The following ATRNL1 variants were observed in gnomAD, a reference collection of about 807,000 sequenced individuals.
ATRNL1 encodes attractin like 1.
In ATRNL1, 95 loss-of-function variants were observed where a neutral mutation model predicts 182.7. The observed-to-expected ratio is 0.52, with a 90% CI of 0.44 to 0.62. The LOEUF (loss-of-function observed/expected upper bound fraction) is 0.62. Ranked by LOEUF, ATRNL1 falls within the 20% of genes least tolerant of loss-of-function variation. ATRNL1 has a pLI of 0.00. For missense variants in ATRNL1, 1,471 were observed against 1,679.5 expected, an observed-to-expected ratio of 0.88 and a Z score of 2.17; for synonymous variants, 576 against 568.3, an observed-to-expected ratio of 1.01 and a Z score of -0.19.
chr10:115,316,480 AGGATTGCT>A (rs1378966992), intron 18 of ATRNL1, among the ~76,000 whole-genome samples: 3 of 152,144 alleles, frequency 2.0e-5, no homozygotes, highest in African/African-American at 7.2e-5. Flanking sequence ...ACCCAGTAAT[AGGATTGCT>A]GGGTCAAATG....
At chr10:115,851,524 T>C (rs1951056270) in intron 28 of ATRNL1, among the ~76,000 whole-genome samples, 1 of 152,054 alleles carries the variant, frequency 6.6e-6, no homozygotes, top group African/African-American at 2.4e-5. Flanking sequence ...TAACCAGAGG[T>C]CAAAAGAAAA....
intron 26 of ATRNL1, among the ~76,000 whole-genome samples, chr10:115,693,472 A>T (rs530868871): frequency 6.6e-6 from 1 of 152,286 alleles, no homozygotes; most frequent in African/African-American, 2.4e-5. Flanking sequence ...TGTCCAAACC[A>T]AATTACTCAC....
At chr10:115,138,217 G>A (rs1845604615) in intron 5 of ATRNL1, among the ~76,000 whole-genome samples, 1 of 152,222 alleles carries the variant, frequency 6.6e-6, no homozygotes, top group Non-Finnish European at 1.5e-5. Flanking sequence ...TCAGGGGCTG[G>A]CATTGAGTGT....
chr10:115,536,068 C>G (rs1851975182), intron 25 of ATRNL1, among the ~76,000 whole-genome samples: 1 of 151,756 alleles, frequency 6.6e-6, no homozygotes, highest in Non-Finnish European at 1.5e-5. Context: ...GGTCAGGGAC[C>G]CACTTGAGGA....
rs1026774136 is a variant in ATRNL1 at position 115,863,022 on chromosome 10, G to A, written c.4018+15031G>A. 2.2e-4 allele frequency among the ~76,000 whole-genome samples: 34 copies of A among 152,106 alleles called. 1 individual carries two copies. The highest frequency in any genetic ancestry group is 8.0e-4 in the African/African-American group (33 of 41,432). On this transcript the variant is annotated intron_variant, in intron 28 of 28. Transcript: ENST00000355044. The stretch of plus-strand genomic sequence containing the variant: ...AATCTACAAACGTCTACTCATTTTT[G>A]CAAAAGATGTAAAGAAAGATAAGTC...
chr10:115,667,241 C>T (rs1176373780), intron 26 of ATRNL1, among the ~76,000 whole-genome samples: 1 of 152,100 alleles, frequency 6.6e-6, no homozygotes, highest in Non-Finnish European at 1.5e-5. Flanking sequence ...CTAAAAAGGT[C>T]TCAAAGGCTG....
intron 21 of ATRNL1, among the ~76,000 whole-genome samples, chr10:115,429,934 G>A (rs983536925): frequency 2.0e-5 from 3 of 152,122 alleles, no homozygotes; most frequent in Non-Finnish European, 2.9e-5. Context: ...AGCCGGGCGT[G>A]GTGGCGGGCG....
chr10:115,188,155 A>G (rs1221621599), intron 8 of ATRNL1, among the ~76,000 whole-genome samples: 1 of 152,096 alleles, frequency 6.6e-6, no homozygotes, highest in African/African-American at 2.4e-5. Flanking sequence ...ATTGACAATT[A>G]GGGAATCTGA....
At chr10:115,214,174 T>C (rs1478284532) in intron 8 of ATRNL1, among the ~76,000 whole-genome samples, 3 of 152,032 alleles carry the variant, frequency 2.0e-5, no homozygotes, top group Non-Finnish European at 2.9e-5. Flanking sequence ...AATTGTGAAA[T>C]GTACCTCTAG....
rs1293918053 is a variant in ATRNL1, at chr10:115,203,907, C to A, written c.1349-11790C>A. ...CCACCGCACCTGGCCTAGATTGGGT[C>A]AACTTTAAAATTTATCTTATGGTTG... On this transcript the variant is annotated intron_variant, in intron 8 of 28. Coordinates refer to ENST00000355044, the MANE Select transcript of ATRNL1 (RefSeq NM_207303.4). Among the ~76,000 whole-genome samples, 3 of 151,342 alleles carry A rather than the reference C, an allele frequency of 2.0e-5. 1 individual carries two copies. The highest frequency in any genetic ancestry group is 4.4e-5 in the Non-Finnish European group (3 of 67,816).
chr10:115,871,473 G>GTATATATATATATATATATATA (rs1391895391), intron 28 of ATRNL1, among the ~76,000 whole-genome samples: 16 of 15,020 alleles, frequency 1.1e-3, no homozygotes, highest in African/African-American at 2.3e-3. Flanking sequence ...GATTCTTTGT[G>GTATATATATATATATATATATA]TGTGTGTATA....
chr10:115,316,148 C>G (rs1554929603), intron 18 of ATRNL1, among the ~76,000 whole-genome samples: 1 of 152,100 alleles, frequency 6.6e-6, no homozygotes, highest in East Asian at 1.9e-4. Context: ...ATGTTGTTCC[C>G]CTCCCTGTGT....
At chr10:115,114,765 A>C (rs542352125) in intron 1 of ATRNL1, among the ~76,000 whole-genome samples, 1 of 152,022 alleles carries the variant, frequency 6.6e-6, no homozygotes, top group African/African-American at 2.4e-5. Flanking sequence ...TATGGCAAAA[A>C]GGGAAGTTTT....
At chr10:115,692,897 T>G (rs1555048619) in intron 26 of ATRNL1, among the ~76,000 whole-genome samples, 1 of 152,088 alleles carries the variant, frequency 6.6e-6, no homozygotes, top group African/African-American at 2.4e-5. Flanking sequence ...AACCTATGAG[T>G]AAAGGAGAGT....
At chr10:115,580,309 A>T (rs888127733) in intron 26 of ATRNL1, among the ~76,000 whole-genome samples, 1 of 152,030 alleles carries the variant, frequency 6.6e-6, no homozygotes, top group Non-Finnish European at 1.5e-5. Context: ...AAACTTCCTC[A>T]GCTTTTGTAT....
intron 20 of ATRNL1, among the ~76,000 whole-genome samples, chr10:115,416,734 ATATAT>A (rs1302262972): frequency 6.6e-6 from 1 of 152,236 alleles, no homozygotes; most frequent in Non-Finnish European, 1.5e-5. Context: ...TTGAAGGTAA[ATATAT>A]TATAGTAATT....
intron 26 of ATRNL1, among the ~76,000 whole-genome samples, chr10:115,634,968 A>G (rs955494828): frequency 6.6e-6 from 1 of 152,124 alleles, no homozygotes; most frequent in South Asian, 2.1e-4. Flanking sequence ...AAAAAAAATT[A>G]TAGTTTCCTG....
intron 9 of ATRNL1, among the ~76,000 whole-genome samples, chr10:115,228,331 A>G (rs1292753721): frequency 1.3e-5 from 2 of 152,190 alleles, no homozygotes; most frequent in African/African-American, 4.8e-5. Flanking sequence ...TTGCTCAAAA[A>G]TGATTCCTTT....
intron 25 of ATRNL1, among the ~76,000 whole-genome samples, chr10:115,531,089 T>G (rs1350914055): frequency 3.3e-5 from 5 of 151,878 alleles, no homozygotes; most frequent in Non-Finnish European, 5.9e-5. Flanking sequence ...AATAAACATA[T>G]GTGTGCATGT....
Sources: gnomAD v4.1 joint callset for allele counts (sites outside exome capture counted in the v4.1 genomes callset) on GRCh38, gnomAD v4.1.1 for gene constraint, MANE v1.5 for transcripts, NCBI Gene and HGNC (gene_info 2026-07-23, HGNC 2026-07-21) for gene names.